LNX1: variants seen among roughly 807,000 people sequenced by gnomAD.
LNX1 encodes the protein E3 ubiquitin-protein ligase LNX.
Under a neutral mutation model 68.4 loss-of-function variants are expected in LNX1, and 54 were observed. The ratio of observed to expected loss-of-function variants is 0.79; its 90% CI spans 0.63 to 0.99. The LOEUF is 0.99. LNX1 is among the 50% of genes least tolerant of loss of function. The pLI, the probability that LNX1 is intolerant of heterozygous loss-of-function variation, is 0.00. For missense variants in LNX1, 906 were observed against 926.4 expected (o/e 0.98, Z 0.29); for synonymous variants, 336 against 350.0 (o/e 0.96, Z 0.45).
chr4:53,516,811 G>A (rs560232951), intron 2 of LNX1, among the ~76,000 whole-genome samples: 13 of 152,264 alleles, frequency 8.5e-5, no homozygotes, highest in East Asian at 1.9e-4. Context: ...AACCATGCCC[G>A]TGGGGGTAAG....
chr4:53,508,379 A>T (rs1413142576), intron 2 of LNX1, 152 bp from the exon 3 acceptor site: 1 of 897,188 alleles, frequency 1.1e-6, no homozygotes, highest in East Asian at 2.6e-5. Context: ...TTCCCTTTTC[A>T]CACATCGGTA....
At chr4:53,468,850 G>T (rs10003158) in intron 9 of LNX1, among the ~76,000 whole-genome samples, 1 of 150,870 alleles carries the variant, frequency 6.6e-6, no homozygotes. Flanking sequence ...CAAGTCCTTA[G>T]TGACCTACAA....
intron 2 of LNX1, among the ~76,000 whole-genome samples, chr4:53,600,380 A>G (rs1351758622): frequency 3.3e-5 from 5 of 152,216 alleles, no homozygotes; most frequent in Non-Finnish European, 7.3e-5. Flanking sequence ...TGGCCTACTC[A>G]GGTACGAGAA....
At chr4:53,604,269 C>T (rs916004667) in intron 2 of LNX1, among the ~76,000 whole-genome samples, 2 of 152,156 alleles carry the variant, frequency 1.3e-5, no homozygotes, top group African/African-American at 4.8e-5. Flanking sequence ...TCATTTATCA[C>T]AAGCATAATA....
At chr4:53,644,985 A>T (rs1734829287) in intron 1 of LNX1, among the ~76,000 whole-genome samples, 1 of 152,120 alleles carries the variant, frequency 6.6e-6, no homozygotes, top group African/African-American at 2.4e-5. Flanking sequence ...CTGAGACCTA[A>T]CTCCTCAATT....
chr4:53,640,439 G>C (rs1240118138), intron 1 of LNX1, among the ~76,000 whole-genome samples: 2 of 152,190 alleles, frequency 1.3e-5, no homozygotes, highest in Non-Finnish European at 2.9e-5. Flanking sequence ...AAAAAAATGG[G>C]GGGAGAGAAG....
chr4:53,498,757 T>A lies in LNX1; in HGVS notation c.862A>T (p.Ile288Phe), dbSNP rs926961256. Residue 288 changes from isoleucine to phenylalanine, a missense_variant, in exon 5 of 11, where the codon ATT (isoleucine) becomes TTT (phenylalanine). Coordinates refer to ENST00000263925, the MANE Select transcript of LNX1 (RefSeq NM_001126328.3). ...NRVDPSESLS[I>F]RLVGGSETPL... The stretch of plus-strand genomic sequence containing the variant: ...GTTTCGCTACCTCCCACCAGCCTAA[T>A]AGAGAGGCTTTCACTGGGATCTACT... 10 of 1,613,694 alleles carry A rather than the reference T, an allele frequency of 6.2e-6. No individual in the cohort carries two copies. The African/African-American group carries it at 8.0e-5, about 13-fold the overall frequency.
At position 53,478,644 on chromosome 4, in the gene LNX1, A is replaced by G. The variant is rs767602850; in HGVS notation, c.1584T>C (p.His528=). 22 of 1,613,950 alleles carry G rather than the reference A, an allele frequency of 1.4e-5. No homozygotes were observed. Among genetic ancestry groups the G allele is most frequent in the Non-Finnish European group, 1.8e-5 (21 of 1,179,990 alleles). Residue 528 remains histidine, a synonymous_variant, in exon 8 of 11, where the codon CAT becomes CAC. Transcript: ENST00000263925. ...LGMTVAGGAS[H]REWDLPIYVI... The stretch of plus-strand genomic sequence containing the variant: ...CATAGATAGGCAAATCCCATTCTCT[A>G]TGTGATGCTCCCCCTGCGACGGTCA...
At chr4:53,499,631 G>A (rs62323595) in intron 4 of LNX1, among the ~76,000 whole-genome samples, 18,188 of 152,150 alleles carry the variant, frequency 0.12, 1,182 homozygotes, top group East Asian at 0.16. Context: ...CAGTTTTATC[G>A]CTTGCTTATT....
chr4:53,651,353 A>G (rs1049469683), intron 1 of LNX1, among the ~76,000 whole-genome samples: 1 of 152,218 alleles, frequency 6.6e-6, no homozygotes, highest in Admixed American at 6.5e-5. Flanking sequence ...CCACGCCCTG[A>G]CACATGACCA....
At chr4:53,636,327 G>T (rs1734475754) in intron 1 of LNX1, among the ~76,000 whole-genome samples, 1 of 151,770 alleles carries the variant, frequency 6.6e-6, no homozygotes. Context: ...ACATCACTGT[G>T]GTAAGAAGAA....
intron 2 of LNX1, among the ~76,000 whole-genome samples, chr4:53,609,954 A>T (rs1190687676): frequency 6.6e-6 from 1 of 151,616 alleles, no homozygotes; most frequent in African/African-American, 2.4e-5. Flanking sequence ...TGTGAGTTAG[A>T]CACTGTTATT....
intron 2 of LNX1, among the ~76,000 whole-genome samples, chr4:53,555,400 C>T (rs1297717163): frequency 6.6e-6 from 1 of 152,144 alleles, no homozygotes; most frequent in Non-Finnish European, 1.5e-5. Context: ...AGCTTAAACC[C>T]CCAACTCCTC....
At chr4:53,651,737 C>A (rs1277163691) in intron 1 of LNX1, among the ~76,000 whole-genome samples, 1 of 152,142 alleles carries the variant, frequency 6.6e-6, no homozygotes, top group East Asian at 1.9e-4. Flanking sequence ...AACACCTACT[C>A]CTACTGTGGA....
intron 2 of LNX1, among the ~76,000 whole-genome samples, chr4:53,523,716 C>T (rs28547005): frequency 0.18 from 27,287 of 152,128 alleles, 2,576 homozygotes; most frequent in East Asian, 0.29. Context: ...TTTTGCATCT[C>T]CAAATGAAGA....
At chr4:53,650,369 T>C (rs559825180) in intron 1 of LNX1, among the ~76,000 whole-genome samples, 27 of 152,250 alleles carry the variant, frequency 1.8e-4, no homozygotes, top group African/African-American at 6.3e-4. Flanking sequence ...GCGGAGGGCA[T>C]CTGCATGGGC....
chr4:53,524,942 A>T (rs1389682288), intron 2 of LNX1, among the ~76,000 whole-genome samples: 4 of 152,174 alleles, frequency 2.6e-5, no homozygotes, highest in African/African-American at 9.6e-5. Context: ...CTTCTAATGT[A>T]CACAAGATCT....
intron 2 of LNX1, among the ~76,000 whole-genome samples, chr4:53,570,360 T>C (rs1467524377): frequency 2.0e-5 from 3 of 149,600 alleles, no homozygotes; most frequent in Admixed American, 6.7e-5. Context: ...TCATGTCCTT[T>C]GTAGGGACAT....
chr4:53,619,357 C>T (rs1366476494), upstream of LNX1, among the ~76,000 whole-genome samples: 1 of 152,166 alleles, frequency 6.6e-6, no homozygotes, highest in Non-Finnish European at 1.5e-5. Context: ...TCCCTCATTC[C>T]CTTCTTTTCC....
Sources: gnomAD v4.1 joint callset for allele counts (sites outside exome capture counted in the v4.1 genomes callset) on GRCh38, gnomAD v4.1.1 for gene constraint, MANE v1.5 for transcripts, NCBI Gene and HGNC (gene_info 2026-07-23, HGNC 2026-07-21) for gene names.